SDK2: variants seen among roughly 807,000 people sequenced by gnomAD.
The protein encoded by SDK2 is sidekick cell adhesion molecule 2, also known as protein sidekick-2.
Under a neutral mutation model 253.9 loss-of-function variants are expected in SDK2, and 105 were observed. The ratio of observed to expected loss-of-function variants is 0.41; its 90% confidence interval spans 0.35 to 0.49. The LOEUF is 0.49. Among genes scored for constraint, SDK2 ranks in the 20% least tolerant of loss-of-function variants. SDK2 has a pLI of 0.06. For missense variants in SDK2, 2,608 were observed against 3,003.0 expected, an observed-to-expected ratio of 0.87 and a Z score of 3.07; for synonymous variants, 1,249 against 1,234.9, an observed-to-expected ratio of 1.01 and a Z score of -0.24.
intron 21 of SDK2, 65 bp downstream of exon 21, chr17:73,400,955 G>C: frequency 6.8e-7 from 1 of 1,459,976 alleles, no homozygotes; most frequent in Non-Finnish European, 9.3e-7. Flanking sequence ...GCCGACAAGG[G>C]GCCTCTTGAA....
intron 1 of SDK2, among the ~76,000 whole-genome samples, chr17:73,537,626 C>T (rs2044799477): frequency 6.6e-6 from 1 of 151,970 alleles, no homozygotes; most frequent in Admixed American, 6.6e-5. Flanking sequence ...CCAAAGCAGA[C>T]CGAAGCCTGT....
chr17:73,593,538 C>A (rs1389588394), intron 1 of SDK2, among the ~76,000 whole-genome samples: 1 of 152,110 alleles, frequency 6.6e-6, no homozygotes, highest in South Asian at 2.1e-4. Context: ...GGACAATAGA[C>A]CCAGAGGCAG....
Position 73,531,191 on chromosome 17 carries a change from T to C in SDK2, c.65-23594A>G, listed in dbSNP as rs201072018. Among the ~76,000 whole-genome samples the C allele has an allele frequency of 2.6e-5, 4 of 152,354 alleles. No individual in the cohort carries two copies. The East Asian group carries it at 7.7e-4, about 29-fold the overall frequency. ...TGGATGTGAATGCCTCCCAGATCTT[T>C]AACCCTGATTTCTTGCCTGAATAAG... On this transcript the variant is annotated intron_variant, in intron 1 of 44. Transcript: ENST00000392650.
chr17:73,561,739 G>A (rs995278342), intron 1 of SDK2, among the ~76,000 whole-genome samples: 3 of 152,200 alleles, frequency 2.0e-5, no homozygotes, highest in East Asian at 1.9e-4. Flanking sequence ...TGCTCTCAAG[G>A]ACTCTGTTCC....
At chr17:73,627,275 T>C (rs2046213999) in intron 1 of SDK2, among the ~76,000 whole-genome samples, 1 of 152,250 alleles carries the variant, frequency 6.6e-6, no homozygotes, top group African/African-American at 2.4e-5. Context: ...GGAGTCAGAA[T>C]GTATTTTGTG....
In SDK2 at chr17:73,437,724, G is replaced by A. The variant is rs1331191095; in HGVS notation, c.1000+15C>T. On this transcript the variant is annotated intron_variant, in intron 8 of 44. Transcript: ENST00000392650. ...CTGGGGTCTTTGTCCCCCTCCAGCG[G>A]TGCCACCTCATTACCTTTGGCCTGA... The A allele has an allele frequency of 2.5e-6, 4 of 1,608,284 alleles. No homozygotes were observed. The highest frequency in any genetic ancestry group is 3.4e-6 in the Non-Finnish European group (4 of 1,174,806).
At chr17:73,522,237 T>G (rs2064085937) in intron 1 of SDK2, among the ~76,000 whole-genome samples, 1 of 152,184 alleles carries the variant, frequency 6.6e-6, no homozygotes, top group Non-Finnish European at 1.5e-5. Context: ...GGTGGGCGGA[T>G]GGGCTGCCCC....
intron 1 of SDK2, among the ~76,000 whole-genome samples, chr17:73,558,905 A>T (rs965742876): frequency 3.3e-5 from 5 of 152,198 alleles, no homozygotes; most frequent in Non-Finnish European, 7.3e-5. Context: ...TCACTGCAGT[A>T]GCGGCCTGGA....
intron 2 of SDK2, among the ~76,000 whole-genome samples, chr17:73,495,058 T>C (rs1354979149): frequency 6.6e-6 from 1 of 152,198 alleles, no homozygotes; most frequent in Non-Finnish European, 1.5e-5. Context: ...CAACAGAGCA[T>C]CAAGGAAGGT....
chr17:73,532,947 T>C (rs2064181685), intron 1 of SDK2, among the ~76,000 whole-genome samples: 1 of 152,182 alleles, frequency 6.6e-6, no homozygotes, highest in Non-Finnish European at 1.5e-5. Flanking sequence ...GACAGGCACT[T>C]AATAAAGGCA....
chr17:73,352,618 G>T lies in SDK2; in HGVS notation c.5613C>A (p.Ile1871=), dbSNP rs2062549234. 1 of 1,613,856 alleles carries T rather than the reference G, an allele frequency of 6.2e-7. No individual in the cohort carries two copies. The highest frequency in any genetic ancestry group is 1.7e-5 in the Admixed American group (1 of 60,002). The change falls in exon 41 of 45, where the codon ATC becomes ATA. Residue 1871 remains isoleucine (I), a synonymous_variant. Transcript: ENST00000392650. This position sits in a 1 kb window ranked among gnomAD's most constrained non-coding sequence, Gnocchi z 4.1. Reference sequence around the variant, plus strand: ...CCTCCTTGGGGATGTCTTTGATGAGGATGTCCCATAGTCCCTCGTCTGCAG... The same window carrying T: ...CCTCCTTGGGGATGTCTTTGATGAGTATGTCCCATAGTCCCTCGTCTGCAG... ...ARPSDEGLWD[I]LIKDIPKEVS...
intron 2 of SDK2, among the ~76,000 whole-genome samples, chr17:73,506,567 T>C (rs2063937300): frequency 1.3e-5 from 2 of 152,230 alleles, no homozygotes; most frequent in Non-Finnish European, 2.9e-5. Context: ...TTTGCATACC[T>C]GTCCCTGGCA....
At chr17:73,596,948 G>A (rs1032117638) in intron 1 of SDK2, among the ~76,000 whole-genome samples, 8 of 152,194 alleles carry the variant, frequency 5.3e-5, no homozygotes, top group Middle Eastern at 3.2e-3. Flanking sequence ...GCAGAACCCC[G>A]GCCATTTCCA....
rs759204082 is a variant in SDK2, at chr17:73,423,988, T to G, written c.1688A>C (p.Asp563Ala). Residue 563 changes from aspartate to alanine, a missense_variant, in exon 13 of 45, where the codon GAC (aspartate) becomes GCC (alanine). Physicochemically the swap from Asp to Ala is moderately radical, Grantham distance 126 (BLOSUM62 -2). Around this residue, in one of 2 missense-constraint regions of SDK2, gnomAD observed 1,505 missense variants for 1,859.1 expected, o/e 0.81. Coordinates refer to ENST00000392650, the MANE Select transcript of SDK2 (RefSeq NM_001144952.2). ...CACCCGGCAGGTGTACGTGCCGATG[T>G]CTCCCGACCACGTCTGTGAGATGTG... ...SLHISQTWSG[D>A]IGTYTCRVIS... 1 of 1,610,146 alleles carries G rather than the reference T, an allele frequency of 6.2e-7. No individual in the cohort carries two copies. The highest frequency in any genetic ancestry group is 1.3e-5 in the African/African-American group (1 of 74,838).
intron 1 of SDK2, among the ~76,000 whole-genome samples, chr17:73,527,361 A>T (rs1190960899): frequency 1.3e-5 from 2 of 152,228 alleles, no homozygotes; most frequent in East Asian, 1.9e-4. Context: ...GTGGGAATGC[A>T]TAATGCAAAG....
At position 73,541,115 on chromosome 17, in the gene SDK2, G is replaced by A. The variant is rs1189806567; in HGVS notation, c.65-33518C>T. Among the ~76,000 whole-genome samples the A allele has an allele frequency of 2.0e-5, 3 of 152,166 alleles. No individual in the cohort carries two copies. Among genetic ancestry groups the A allele is most frequent in the South Asian group, 2.1e-4 (1 of 4,820 alleles). On this transcript the variant is annotated intron_variant, in intron 1 of 44. Transcript: ENST00000392650. The surrounding 1 kb of genome is among the most constrained non-coding windows in gnomAD (Gnocchi z 4.3). ...GCCCCTAACATGGGGCACCCCTCCCGCTACTCCTGGCCAAAGTGGTATGAG... is the reference window on the plus strand; with the variant it reads ...GCCCCTAACATGGGGCACCCCTCCCACTACTCCTGGCCAAAGTGGTATGAG...
chr17:73,635,955 A>G (rs984310381), intron 1 of SDK2, among the ~76,000 whole-genome samples: 1 of 152,112 alleles, frequency 6.6e-6, no homozygotes, highest in African/African-American at 2.4e-5. Flanking sequence ...CAGGAGGAGC[A>G]GGAGGAGGAG....
At position 73,450,877 on chromosome 17, in the gene SDK2, C is replaced by G. The variant is rs1053856449; in HGVS notation, c.480-3129G>C. 2.6e-5 allele frequency among the ~76,000 whole-genome samples: 4 copies of G among 152,344 alleles called. No homozygotes were observed. In the South Asian group the frequency reaches 8.3e-4, roughly 32 times the overall value. On this transcript the variant is annotated intron_variant, in intron 4 of 44. Transcript: ENST00000392650. ...GGAAGAGTGATCAGGCCCCAGATGT[C>G]AAGAGCGCCATGCCTGACATGGTCT... is the stretch of plus-strand genomic sequence containing the variant.
At chr17:73,627,567 G>A (rs1181385418) in intron 1 of SDK2, among the ~76,000 whole-genome samples, 1 of 152,210 alleles carries the variant, frequency 6.6e-6, no homozygotes, top group East Asian at 1.9e-4. Context: ...CCTGGGCCAA[G>A]GGTGCCCAGG....
Sources: gnomAD v4.1 joint callset for allele counts (sites outside exome capture counted in the v4.1 genomes callset) on GRCh38, gnomAD v4.1.1 for gene constraint, gnomAD v4.1.1 regional missense constraint, Gnocchi (gnomAD v3.1) non-coding constraint, MANE v1.5 for transcripts, NCBI Gene and HGNC (gene_info 2026-07-23, HGNC 2026-07-21) for gene names.